The following CRK variants were observed in gnomAD, a reference collection of about 807,000 sequenced individuals.
CRK encodes adapter molecule crk.
In CRK, 4 loss-of-function variants were observed where a neutral mutation model predicts 29.8. That is an observed-to-expected ratio of 0.13 (90% confidence interval 0.07 to 0.31). CRK has a LOEUF of 0.31. Among genes scored for constraint, CRK ranks in the 10% least tolerant of loss-of-function variants. The pLI is 1.00. For missense variants in CRK, 274 were observed against 396.5 expected (o/e 0.69, Z 2.62); for synonymous variants, 153 against 164.9 (o/e 0.93, Z 0.55).
chr17:1,454,744 C>G (rs2074043355), intron 1 of CRK, among the ~76,000 whole-genome samples: 1 of 152,170 alleles, frequency 6.6e-6, no homozygotes, highest in South Asian at 2.1e-4. Flanking sequence ...ACGAGGACTC[C>G]TGATGCTGTT....
rs189479496 is a variant in CRK at position 1,430,410 on chromosome 17, G to A, written c.777+6210C>T. 2.2e-3 allele frequency among the ~76,000 whole-genome samples: 329 copies of A among 150,760 alleles called. 4 individuals carry two copies. The highest frequency in any genetic ancestry group is 1.7e-3 in the South Asian group (8 of 4,768). ...CTCGCTCTGTCGCCCAGGCTGGAGT[G>A]CAGTGGCGCGATCTTGGCTCACTGC... On this transcript the variant is annotated intron_variant, in intron 2 of 2. Coordinates refer to ENST00000300574, the MANE Select transcript of CRK (RefSeq NM_016823.4).
chr17:1,437,659 T>C (rs1474841425), intron 1 of CRK, among the ~76,000 whole-genome samples: 2 of 142,720 alleles, frequency 1.4e-5, no homozygotes, highest in African/African-American at 2.5e-5. Context: ...CTGTTGCATG[T>C]TTTTTTTTTT....
intron 1 of CRK, among the ~76,000 whole-genome samples, chr17:1,442,544 C>T (rs1223628921): frequency 6.6e-6 from 1 of 151,254 alleles, no homozygotes; most frequent in African/African-American, 2.4e-5. Context: ...TGAGCCACTG[C>T]ATCCAGCCAT....
At chr17:1,455,806 A>ACCAT in intron 1 of CRK, 71 bp downstream of exon 1, 4 of 1,411,372 alleles carry the variant, frequency 2.8e-6, no homozygotes, top group Non-Finnish European at 3.7e-6. Context: ...GCTCTCGAGG[A>ACCAT]CCAGCCAGCC....
At chr17:1,429,958 G>T (rs867827770) in intron 2 of CRK, among the ~76,000 whole-genome samples, 1 of 150,220 alleles carries the variant, frequency 6.7e-6, no homozygotes, top group East Asian at 1.9e-4. Flanking sequence ...CCAAAAACAC[G>T]AATCTTTTCT....
chr17:1,448,379 C>G (rs1246395752), intron 1 of CRK, among the ~76,000 whole-genome samples: 1 of 151,986 alleles, frequency 6.6e-6, no homozygotes, highest in African/African-American at 2.4e-5. Flanking sequence ...AATCCCAGTA[C>G]TTTGGGTGGC....
rs555851473 is a variant in CRK, at chr17:1,453,767, C to T, written c.241+2110G>A. ...ACTAAAAATACAAAAACTAGCCAGG[C>T]GTAGTGGAGTGTGCCTGTAATCCCA... On this transcript the variant is annotated intron_variant, in intron 1 of 2. Transcript: ENST00000300574. Among the ~76,000 whole-genome samples the T allele has an allele frequency of 5.1e-4, 78 of 152,178 alleles. 1 individual carries two copies. Among genetic ancestry groups the T allele is most frequent in the South Asian group, 1.7e-3 (8 of 4,822 alleles).
At chr17:1,439,832 G>A (rs2073920028) in intron 1 of CRK, among the ~76,000 whole-genome samples, 1 of 152,066 alleles carries the variant, frequency 6.6e-6, no homozygotes, top group African/African-American at 2.4e-5. Flanking sequence ...AACAGAGCAA[G>A]ACTCTGTGTC....
intron 1 of CRK, among the ~76,000 whole-genome samples, chr17:1,442,300 G>A (rs1018331211): frequency 4.6e-5 from 7 of 151,622 alleles, no homozygotes; most frequent in Middle Eastern, 3.2e-3. Context: ...GACTATAGGC[G>A]CACACCACAC....
chr17:1,441,477 G>A (rs2073934528), intron 1 of CRK, among the ~76,000 whole-genome samples: 1 of 151,772 alleles, frequency 6.6e-6, no homozygotes, highest in Non-Finnish European at 1.5e-5. Flanking sequence ...TAAAGGTGCG[G>A]GTGGCATTGC....
rs9303156 is a variant in CRK at position 1,425,334 on chromosome 17, C to T, written c.778-1684G>A. Among the ~76,000 whole-genome samples the T allele has an allele frequency of 5.1e-3, 776 of 151,980 alleles. 6 individuals are homozygous for T. The highest frequency in any genetic ancestry group is 0.018 in the African/African-American group (747 of 41,462). ...GTCTCGATCTCCTGACCTCGTGATC[C>T]GCCCGCCTCGGCCTCCCAAAGTGCT... On this transcript the variant is annotated intron_variant, in intron 2 of 2. Transcript: ENST00000300574.
intron 1 of CRK, among the ~76,000 whole-genome samples, chr17:1,449,565 A>G (rs2074002477): frequency 6.6e-6 from 1 of 152,186 alleles, no homozygotes; most frequent in South Asian, 2.1e-4. Flanking sequence ...TTACACAAGC[A>G]GTAAGTGGTA....
chr17:1,454,610 C>T (rs1252844414), intron 1 of CRK, among the ~76,000 whole-genome samples: 2 of 152,196 alleles, frequency 1.3e-5, no homozygotes, highest in African/African-American at 4.8e-5. Flanking sequence ...TAAATTAGAA[C>T]TATTCTACAA....
At chr17:1,444,843 A>G (rs1277847016) in intron 1 of CRK, among the ~76,000 whole-genome samples, 1 of 149,462 alleles carries the variant, frequency 6.7e-6, no homozygotes, top group Non-Finnish European at 1.5e-5. Context: ...CAAAAGAAAA[A>G]AAAAAAAAAA....
Position 1,423,430 on chromosome 17 carries a change from T to C in CRK, c.*83A>G. On this transcript the variant is annotated 3_prime_UTR_variant, in exon 3 of 3. Transcript: ENST00000300574. ...TATATAAACTAGACTGCTTTTGACA[T>C]CTGTAAGAAAATTGTATAGATGGCA... is the stretch of plus-strand genomic sequence containing the variant. 1.3e-6 allele frequency: 2 copies of C among 1,514,414 alleles called. No homozygotes were observed. The highest frequency in any genetic ancestry group is 1.3e-5 in the South Asian group (1 of 77,998). 93.8% of individuals were successfully genotyped at this position (1,514,414 alleles called of 1,614,324 possible).
chr17:1,430,882 A>G (rs1446618221), intron 2 of CRK, among the ~76,000 whole-genome samples: 6 of 151,320 alleles, frequency 4.0e-5, no homozygotes, highest in East Asian at 4.0e-4. Flanking sequence ...CCTGGCTAAC[A>G]CGGTGAAACC....
chr17:1,436,523 T>C (rs2073887660), intron 2 of CRK, 97 bp downstream of exon 2: 2 of 1,341,400 alleles, frequency 1.5e-6, no homozygotes, highest in East Asian at 2.5e-5. Context: ...ATCTACAACA[T>C]CCCAATGCTG....
At chr17:1,446,717 G>A (rs1212276341) in intron 1 of CRK, among the ~76,000 whole-genome samples, 4 of 149,754 alleles carry the variant, frequency 2.7e-5, no homozygotes, top group Admixed American at 2.0e-4. Context: ...TCAGCCTCCC[G>A]AGCAGCTGGG....
At chr17:1,439,669 C>A (rs768591932) in intron 1 of CRK, among the ~76,000 whole-genome samples, 3 of 151,678 alleles carry the variant, frequency 2.0e-5, no homozygotes, top group Non-Finnish European at 2.9e-5. Context: ...GGCAACATGG[C>A]TGTCACTGCA....
Sources: gnomAD v4.1 joint callset for allele counts (sites outside exome capture counted in the v4.1 genomes callset) on GRCh38, gnomAD v4.1.1 for gene constraint, MANE v1.5 for transcripts, NCBI Gene and HGNC (gene_info 2026-07-23, HGNC 2026-07-21) for gene names.